RBBP8NL: variants seen among roughly 807,000 people sequenced by gnomAD.
RBBP8NL encodes RBBP8 N-terminal like.
RBBP8NL carries 59 observed loss-of-function variants against 62.2 expected under a neutral mutation model. The ratio of observed to expected loss-of-function variants is 0.95; its 90% confidence interval spans 0.77 to 1.18. The LOEUF (loss-of-function observed/expected upper bound fraction) is 1.18, where lower values mean the gene tolerates loss of function less well. Among genes scored for constraint, RBBP8NL ranks in the 50% most tolerant of loss-of-function variants. RBBP8NL has a pLI of 0.00. For missense variants in RBBP8NL, 896 were observed against 899.5 expected (o/e 1.00, Z 0.05); for synonymous variants, 412 against 394.1 (o/e 1.05, Z -0.54).
intron 1 of RBBP8NL, among the ~76,000 whole-genome samples, chr20:62,426,749 G>A (rs748400798): frequency 4.6e-5 from 7 of 152,246 alleles, no homozygotes; most frequent in Non-Finnish European, 7.3e-5. Context: ...AGCTGCACAC[G>A]CATGTTGTGT....
Position 62,414,375 on chromosome 20 carries a change from C to T in RBBP8NL, c.976G>A (p.Glu326Lys), listed in dbSNP as rs1988512619. Reference protein sequence around the residue: ...DPRLQDLKAREAEAWEEPTEL... With the variant: ...DPRLQDLKARKAEAWEEPTEL... ...GTGGGCTCCTCCCAGGCCTCTGCTT[C>T]TCTGGCCTTCAGGTCCTGGAGCCGG... The change falls in exon 10 of 14, where the codon GAA becomes AAA. Residue 326 changes from glutamate to lysine, a missense_variant. Coordinates refer to ENST00000252998, the MANE Select transcript of RBBP8NL (RefSeq NM_080833.3). The T allele has an allele frequency of 1.3e-6, 2 of 1,545,202 alleles. No individual in the cohort carries two copies. The highest frequency in any genetic ancestry group is 3.9e-5 in the Admixed American group (2 of 51,476).
intron 6 of RBBP8NL, 103 bp from the exon 7 acceptor site, chr20:62,416,048 T>A: frequency 6.9e-7 from 1 of 1,456,584 alleles, no homozygotes; most frequent in Non-Finnish European, 9.3e-7. Context: ...GACGCAGCTG[T>A]CCCGACACTG....
intron 1 of RBBP8NL, among the ~76,000 whole-genome samples, chr20:62,420,492 A>C (rs543759710): frequency 6.6e-6 from 1 of 152,134 alleles, no homozygotes; most frequent in Non-Finnish European, 1.5e-5. Flanking sequence ...GACACACCAC[A>C]CAGCATGTAT....
intron 12 of RBBP8NL, 33 bp from the exon 13 acceptor site, chr20:62,412,786 CT>C (rs1988464485): frequency 6.2e-7 from 1 of 1,612,968 alleles, no homozygotes; most frequent in Admixed American, 1.7e-5. Context: ...ACGAGGAGGA[CT>C]GCCTCCTGGC....
rs139874212 is a variant in RBBP8NL, at chr20:62,417,273, G to C, written c.151C>G (p.Arg51Gly). 3.4e-5 allele frequency: 54 copies of C among 1,605,974 alleles called. 1 individual carries two copies. The African/African-American group carries it at 6.8e-4, about 20-fold the overall frequency. Residue 51 changes from arginine to glycine, a missense_variant, in exon 4 of 14, where the codon CGG (arginine) becomes GGG (glycine). By Grantham distance (125) the Arg-to-Gly change is moderately radical. Transcript: ENST00000252998. ...TCCTTCAGTGTCTTCTGCTGTTCCC[G>C]GAGCTGGTGGTTCTTGGAGAAGAGC... ...EELFSKNHQL[R>G]EQQKTLKENL...
intron 1 of RBBP8NL, among the ~76,000 whole-genome samples, chr20:62,421,024 G>C (rs1297488634): frequency 6.6e-6 from 1 of 151,412 alleles, no homozygotes; most frequent in Admixed American, 6.6e-5. Flanking sequence ...TGGGGGCGCT[G>C]TGACTGTCTG....
At chr20:62,422,728 C>A (rs577241755) in intron 1 of RBBP8NL, among the ~76,000 whole-genome samples, 1 of 151,274 alleles carries the variant, frequency 6.6e-6, no homozygotes, top group Admixed American at 6.6e-5. Context: ...TAACTCTTGC[C>A]GAGCCCTTGC....
rs1988593489 is a variant in RBBP8NL at position 62,417,394 on chromosome 20, G to T, written c.105-75C>A. The T allele has an allele frequency of 6.6e-6, 8 of 1,215,498 alleles. No homozygotes were observed. The Admixed American group carries it at 1.5e-4, about 22-fold the overall frequency. The allele number at this position is 1,215,498 out of a possible 1,614,324, so 75.3% of individuals were successfully genotyped here. A position where few individuals can be genotyped will look rare whatever the true frequency, so the allele number is the denominator to read the frequency against. On this transcript the variant is annotated intron_variant, in intron 3 of 13. Transcript: ENST00000252998. The stretch of plus-strand genomic sequence containing the variant: ...CACGCTGTCCCCACCATCCAGCCTG[G>T]GGGGGCAGCGCGATTCGGCACCTGC...
chr20:62,414,010 C>T lies in RBBP8NL; in HGVS notation c.1341G>A (p.Trp447Ter). 1 of 1,579,652 alleles carries T rather than the reference C, an allele frequency of 6.3e-7. No individual in the cohort carries two copies. Among genetic ancestry groups the T allele is most frequent in the South Asian group, 1.2e-5 (1 of 86,688 alleles). ...GAGTGTCCTGGCCCCGGGCCCGGCC[C>T]CACTCCGAGAGGTCCAGGGGCTTGT... ...ALDKPLDLSE[W>*]GRARGQDTPK... is the part of the protein sequence containing the mutation. The change falls in exon 10 of 14, where the codon TGG (tryptophan) becomes TGA (stop). Residue 447 changes from tryptophan to a stop codon, truncating the protein, a stop_gained. Coordinates refer to ENST00000252998, the MANE Select transcript of RBBP8NL (RefSeq NM_080833.3). LOFTEE classifies it high-confidence loss of function.
At chr20:62,424,547 C>T (rs797009139) in intron 1 of RBBP8NL, among the ~76,000 whole-genome samples, 86 of 152,278 alleles carry the variant, frequency 5.6e-4, no homozygotes, top group African/African-American at 2.0e-3. Context: ...CAAGGGGCGA[C>T]GTGCTGCTCT....
intron 1 of RBBP8NL, among the ~76,000 whole-genome samples, chr20:62,424,536 C>G (rs979243201): frequency 6.6e-6 from 1 of 152,156 alleles, no homozygotes; most frequent in Non-Finnish European, 1.5e-5. Flanking sequence ...CTCCTTAAAA[C>G]CAAGGGGCGA....
At chr20:62,416,700 G>A (rs996231129) in intron 5 of RBBP8NL, 60 bp downstream of exon 5, 1 of 1,219,804 alleles carries the variant, frequency 8.2e-7, no homozygotes, top group Non-Finnish European at 1.2e-6. Flanking sequence ...GGGCTGAACA[G>A]GCCTGGGGTC....
chr20:62,416,713 C>A (rs1988575063), intron 5 of RBBP8NL, 47 bp downstream of exon 5: 2 of 1,394,182 alleles, frequency 1.4e-6, no homozygotes, highest in East Asian at 4.9e-5. Flanking sequence ...CTGGGGTCGC[C>A]TGGCCCCGTG....
rs1414187050 is a variant in RBBP8NL, at chr20:62,415,238, C to T, written c.677G>A (p.Arg226Gln). The change falls in exon 9 of 14, where the codon CGG (arginine) becomes CAG (glutamine). Residue 226 changes from arginine to glutamine, a missense_variant. Transcript: ENST00000252998. ...NQLHGTIAVV[R>Q]PGSQACPADR... Reference sequence around the variant, plus strand: ...GGCAGGGCAAGCCTGGGACCCAGGCCGCACCACGGCAATGGTCCCGTGCAG... The same window carrying T: ...GGCAGGGCAAGCCTGGGACCCAGGCTGCACCACGGCAATGGTCCCGTGCAG... 12 of 1,554,130 alleles carry T rather than the reference C, an allele frequency of 7.7e-6. No individual in the cohort carries two copies. The highest frequency in any genetic ancestry group is 1.8e-4 in the Middle Eastern group (1 of 5,554).
At position 62,412,685 on chromosome 20, in the gene RBBP8NL, G is replaced by T; in HGVS notation, c.1815C>A (p.Thr605=). Residue 605 remains threonine (T), a synonymous_variant, in exon 13 of 14, where the codon ACC becomes ACA. Transcript: ENST00000252998. ...GTGGTGGACCCTGCCCGTGCTCCTG[G>T]GTGCAGATGCACTCAGGCCCCTCCC... ...TTGEGPECIC[T]QEHGQGPPRK... is the part of the protein sequence containing the mutation. The T allele has an allele frequency of 6.2e-7, 1 of 1,608,900 alleles. No individual in the cohort carries two copies. The highest frequency in any genetic ancestry group is 8.5e-7 in the Non-Finnish European group (1 of 1,179,780).
Position 62,415,533 on chromosome 20 carries a change from C to T in RBBP8NL, c.627+45G>A, listed in dbSNP as rs60818019. ...GCAGCTGCCTCCAGCCTCCTGCCTG[C>T]GCCGGCCCAGCTGCACATGGTGGGC... is the stretch of plus-strand genomic sequence containing the variant. On this transcript the variant is annotated intron_variant, in intron 8 of 13. Transcript: ENST00000252998. 550 of 1,594,276 alleles carry T rather than the reference C, an allele frequency of 3.4e-4. 2 individuals carry two copies. In the African/African-American group the frequency reaches 6.2e-3, roughly 18 times the overall value.
intron 8 of RBBP8NL, 38 bp from the exon 9 acceptor site, chr20:62,415,325 C>G: frequency 1.3e-6 from 2 of 1,538,508 alleles, no homozygotes; most frequent in Non-Finnish European, 1.7e-6. Context: ...CGGGGGCATG[C>G]GTGGCCTCTG....
Position 62,419,606 on chromosome 20 carries a change from G to C in RBBP8NL, c.42C>G (p.Ile14Met). 6.2e-7 allele frequency: 1 copy of C among 1,613,562 alleles called. No individual in the cohort carries two copies. The highest frequency in any genetic ancestry group is 8.5e-7 in the Non-Finnish European group (1 of 1,179,922). Residue 14 changes from isoleucine (I) to methionine (M), a missense_variant, in exon 2 of 14, where the codon ATC becomes ATG. Physicochemically the swap from Ile to Met is conservative, Grantham distance 10 (BLOSUM62 1). Transcript: ENST00000252998. Reference protein sequence around the residue: ...FMESLNRLKEIHEKEVLGLQN... With the variant: ...FMESLNRLKEMHEKEVLGLQN... ...CCTCACCCAGGACTTCCTTCTCGTG[G>C]ATCTCCTTCAGCCTGTTCAGCGACT...
intron 1 of RBBP8NL, among the ~76,000 whole-genome samples, chr20:62,420,393 C>CAG (rs1988674542): frequency 1.4e-5 from 2 of 148,002 alleles, no homozygotes; most frequent in Middle Eastern, 3.4e-3. Flanking sequence ...CACACACACA[C>CAG]AGATAGCATG....
Sources: gnomAD v4.1 joint callset for allele counts (sites outside exome capture counted in the v4.1 genomes callset) on GRCh38, gnomAD v4.1.1 for gene constraint, MANE v1.5 for transcripts, NCBI Gene and HGNC (gene_info 2026-07-23, HGNC 2026-07-21) for gene names.